Variants in PRKN observed in about 807,000 individuals in gnomAD.
PRKN encodes the protein E3 ubiquitin-protein ligase parkin.
PRKN carries 56 observed loss-of-function variants against 59.5 expected under a neutral mutation model. The ratio of observed to expected loss-of-function variants is 0.94; its 90% confidence interval spans 0.76 to 1.18. The LOEUF (loss-of-function observed/expected upper bound fraction) is 1.18, where lower values mean the gene tolerates loss of function less well. Among genes scored for constraint, PRKN ranks in the 50% most tolerant of loss-of-function variants. The pLI is 0.00. For missense variants in PRKN, 657 were observed against 596.4 expected, an observed-to-expected ratio of 1.10 and a Z score of -1.06; for synonymous variants, 250 against 222.1, an observed-to-expected ratio of 1.13 and a Z score of -1.12.
intron 10 of PRKN, among the ~76,000 whole-genome samples, chr6:161,382,111 C>CAAAAA (rs59174358): frequency 0.016 from 734 of 46,258 alleles, 20 homozygotes; most frequent in African/African-American, 0.046. Context: ...GACTCCATCT[C>CAAAAA]AAAAAAAAAA....
intron 5 of PRKN, among the ~76,000 whole-genome samples, chr6:162,031,565 C>T (rs1158043584): frequency 3.7e-5 from 5 of 134,370 alleles, no homozygotes; most frequent in Admixed American, 2.3e-4. Flanking sequence ...GATAGCATTT[C>T]ACTCTTGTTG....
At chr6:162,218,211 C>T (rs1364122001) in intron 3 of PRKN, among the ~76,000 whole-genome samples, 1 of 152,178 alleles carries the variant, frequency 6.6e-6, no homozygotes, top group Non-Finnish European at 1.5e-5. Flanking sequence ...CAGGCCGCTC[C>T]CTGCGGAAGC....
chr6:162,178,713 T>C (rs59839242), intron 4 of PRKN, among the ~76,000 whole-genome samples: 1,807 of 152,300 alleles, frequency 0.012, 40 homozygotes, highest in African/African-American at 0.042. Flanking sequence ...GAATGAGTGA[T>C]AACTCAGTCT....
rs370080562 is a variant in PRKN, at chr6:161,852,159, C to T, written c.735-66251G>A. Among the ~76,000 whole-genome samples, 12 of 151,268 alleles carry T rather than the reference C, an allele frequency of 7.9e-5. 1 individual carries two copies. The East Asian group carries it at 1.6e-3, about 20-fold the overall frequency. On this transcript the variant is annotated intron_variant, in intron 6 of 11. Coordinates refer to ENST00000366898, the MANE Select transcript of PRKN (RefSeq NM_004562.3). The stretch of plus-strand genomic sequence containing the variant: ...CAGAGGGAATTTTTTAAATAAACAA[C>T]CTTTCAACAGGAAGACAGAGAAGAA...
At chr6:162,338,957 G>A (rs1460368577) in intron 2 of PRKN, among the ~76,000 whole-genome samples, 10 of 145,898 alleles carry the variant, frequency 6.9e-5, no homozygotes, top group Non-Finnish European at 1.2e-4. Context: ...CCGTCTGGGA[G>A]GTGAGGAGCG....
chr6:162,581,442 T>C (rs1780786538), intron 1 of PRKN, among the ~76,000 whole-genome samples: 1 of 152,212 alleles, frequency 6.6e-6, no homozygotes, highest in Non-Finnish European at 1.5e-5. Flanking sequence ...ATAAAGAATT[T>C]GTAGATCTTC....
intron 10 of PRKN, among the ~76,000 whole-genome samples, chr6:161,368,381 T>TTATATATATATATATATATATATATA (rs1562399363): frequency 4.2e-5 from 3 of 70,806 alleles, no homozygotes; most frequent in Non-Finnish European, 8.9e-5. Flanking sequence ...ACCTCAGTCT[T>TTATATATATATATATATATATATATA]GATATATATA....
chr6:162,059,014 C>G (rs895540775), intron 4 of PRKN, among the ~76,000 whole-genome samples: 1 of 151,332 alleles, frequency 6.6e-6, no homozygotes, highest in African/African-American at 2.4e-5. Context: ...GAATTAGGGC[C>G]CAGTTATATT....
At chr6:162,602,559 G>A (rs1168083268) in intron 1 of PRKN, among the ~76,000 whole-genome samples, 1 of 152,210 alleles carries the variant, frequency 6.6e-6, no homozygotes, top group Non-Finnish European at 1.5e-5. Flanking sequence ...TGGGGACACA[G>A]AGCGGTGTGG....
chr6:162,490,465 C>T (rs1277674631), intron 1 of PRKN, among the ~76,000 whole-genome samples: 1 of 152,156 alleles, frequency 6.6e-6, no homozygotes, highest in Non-Finnish European at 1.5e-5. Context: ...AAAAATAACA[C>T]TCACTAATAG....
chr6:161,687,614 G>A (rs186157102), intron 7 of PRKN, among the ~76,000 whole-genome samples: 35 of 150,538 alleles, frequency 2.3e-4, no homozygotes, highest in African/African-American at 7.8e-4. Context: ...GAACCACCAC[G>A]CCCGGCTAAT....
chr6:162,381,660 C>A (rs1271617508), intron 2 of PRKN, among the ~76,000 whole-genome samples: 1 of 148,260 alleles, frequency 6.7e-6, no homozygotes. Flanking sequence ...CTATACCTGT[C>A]CCCCCCACTA....
chr6:161,879,745 C>T (rs1347673880), intron 6 of PRKN, among the ~76,000 whole-genome samples: 2 of 152,138 alleles, frequency 1.3e-5, no homozygotes, highest in Admixed American at 6.5e-5. Context: ...ACTCTGAAAA[C>T]ACACTGAAAC....
rs552032772 is a variant in PRKN at position 162,155,530 on chromosome 6, A to G, written c.534+45601T>C. 2.0e-5 allele frequency among the ~76,000 whole-genome samples: 3 copies of G among 152,282 alleles called. No homozygotes were observed. In the South Asian group the frequency reaches 6.2e-4, roughly 32 times the overall value. ...ACAGCAAGCAGAATATCATAGATAC[A>G]GACAGAACTAACACTGAATTTCAGC... On this transcript the variant is annotated intron_variant, in intron 4 of 11. Transcript: ENST00000366898.
chr6:161,350,284 C>A, intron 11 of PRKN, 73 bp from the exon 12 acceptor site: 1 of 958,322 alleles, frequency 1.0e-6, no homozygotes, highest in Non-Finnish European at 1.7e-6. Context: ...CCCAAACCAG[C>A]ACGCTAGCCT....
chr6:162,198,455 T>G (rs1373486522), intron 4 of PRKN, among the ~76,000 whole-genome samples: 1 of 151,276 alleles, frequency 6.6e-6, no homozygotes, highest in African/African-American at 2.4e-5. Flanking sequence ...CATACATGAG[T>G]ATATATAAAT....
In PRKN at chr6:161,400,284, G is replaced by A. The variant is rs1437051020; in HGVS notation, c.1084-13407C>T. Among the ~76,000 whole-genome samples, 2 of 152,078 alleles carry A rather than the reference G, an allele frequency of 1.3e-5. No individual in the cohort carries two copies. The highest frequency in any genetic ancestry group is 4.8e-5 in the African/African-American group (2 of 41,398). ...TAGGATGAGGTGAGCTGGGGACATG[G>A]GGAAGATTAGAAAATTAAACCTAAT... On this transcript the variant is annotated intron_variant, in intron 9 of 11. Transcript: ENST00000366898. The surrounding 1 kb of genome is among the most constrained non-coding windows in gnomAD (Gnocchi z 4.2).
intron 1 of PRKN, among the ~76,000 whole-genome samples, chr6:162,523,564 C>T (rs1583721446): frequency 1.3e-5 from 2 of 152,050 alleles, no homozygotes; most frequent in East Asian, 3.9e-4. Flanking sequence ...ACTTGGGAGG[C>T]TGAGGCATGA....
In PRKN at chr6:161,456,399, C is replaced by T. The variant is rs1789971721; in HGVS notation, c.1084-69522G>A. On this transcript the variant is annotated intron_variant, in intron 9 of 11. Transcript: ENST00000366898. This position sits in a 1 kb window ranked among gnomAD's most constrained non-coding sequence, Gnocchi z 4.8. ...TCTTGGACCTACACCAGTGGTTTGC[C>T]AGGGGCTCTCAGGCCTTTGGCCACA... 6.6e-6 allele frequency among the ~76,000 whole-genome samples: 1 copy of T among 152,176 alleles called. No individual in the cohort carries two copies. Among genetic ancestry groups the T allele is most frequent in the Non-Finnish European group, 1.5e-5 (1 of 68,034 alleles).
Sources: gnomAD v4.1 joint callset for allele counts (sites outside exome capture counted in the v4.1 genomes callset) on GRCh38, gnomAD v4.1.1 for gene constraint, Gnocchi (gnomAD v3.1) non-coding constraint, MANE v1.5 for transcripts, NCBI Gene and HGNC (gene_info 2026-07-23, HGNC 2026-07-21) for gene names.